Variants in GNG11 observed in about 807,000 individuals in gnomAD.
The protein encoded by GNG11 is guanine nucleotide-binding protein G(I)/G(S)/G(O) subunit gamma-11.
In GNG11, 6 loss-of-function variants were observed where a neutral mutation model predicts 7.4. The ratio of observed to expected loss-of-function variants is 0.81; its 90% CI spans 0.44 to 1.60. The LOEUF (loss-of-function observed/expected upper bound fraction) is 1.60. Among genes scored for constraint, GNG11 ranks in the 40% most tolerant of loss-of-function variants. GNG11 has a pLI of 0.01. For missense variants in GNG11, 65 were observed against 83.0 expected (o/e 0.78, Z 0.84); for synonymous variants, 31 against 25.9 (o/e 1.20, Z -0.60).
rs977598575 is a variant in GNG11, at chr7:93,922,037, C to G, written c.-101C>G. 3.1e-6 allele frequency: 2 copies of G among 643,348 alleles called. No homozygotes were observed. Among genetic ancestry groups the G allele is most frequent in the Non-Finnish European group, 5.2e-6 (2 of 382,020 alleles). 39.9% of individuals were successfully genotyped at this position (643,348 alleles called of 1,614,324 possible). On this transcript the variant is annotated 5_prime_UTR_variant, in exon 1 of 2. Transcript: ENST00000248564. ...TGCAGTCACATCCTGCGCGGGTGGG[C>G]GGCGGGCCAGGCCTTCAGTTGTTTC...
At chr7:93,926,042 G>A (rs1584101576) in intron 1 of GNG11, 49 bp from the exon 2 acceptor site, 1 of 1,239,472 alleles carries the variant, frequency 8.1e-7, no homozygotes, top group Non-Finnish European at 1.1e-6. Context: ...TAGGGACAAA[G>A]TTTAAACAAC....
rs571464077 is a variant in GNG11 at position 93,927,877 on chromosome 7, C to G, written c.*1661C>G. ...GGAAGGAGTAGTATGATCTACTACTCTTAGGAAGGATTTAGGAATAGTAAA... is the reference window on the plus strand; with the variant it reads ...GGAAGGAGTAGTATGATCTACTACTGTTAGGAAGGATTTAGGAATAGTAAA... On this transcript the variant is annotated 3_prime_UTR_variant, in exon 2 of 2. Coordinates refer to ENST00000248564, the MANE Select transcript of GNG11 (RefSeq NM_004126.4). 6.6e-6 allele frequency: 1 copy of G among 152,116 alleles called. No individual in the cohort carries two copies. Among genetic ancestry groups the G allele is most frequent in the African/African-American group, 2.4e-5 (1 of 41,416 alleles). 9.4% of individuals were successfully genotyped at this position (152,116 alleles called of 1,614,324 possible).
rs1254494884 is a variant in GNG11 at position 93,927,840 on chromosome 7, C to T, written c.*1624C>T. On this transcript the variant is annotated 3_prime_UTR_variant, in exon 2 of 2. Coordinates refer to ENST00000248564, the MANE Select transcript of GNG11 (RefSeq NM_004126.4). ...GCCCAGGGATAATTTTAGCCCAAAA[C>T]TACTACTCCTAGGAAGGAGTAGTAT... 1 of 152,136 alleles carries T rather than the reference C, an allele frequency of 6.6e-6. No homozygotes were observed. Among genetic ancestry groups the T allele is most frequent in the African/African-American group, 2.4e-5 (1 of 41,430 alleles). The allele number at this position is 152,136 out of a possible 1,614,324, so 9.4% of individuals were successfully genotyped here. A position where few individuals can be genotyped will look rare whatever the true frequency, so the allele number is the denominator to read the frequency against.
Position 93,927,809 on chromosome 7 carries a change from C to T in GNG11, c.*1593C>T, listed in dbSNP as rs58292934. 6.6e-6 allele frequency: 1 copy of T among 152,132 alleles called. No homozygotes were observed. Among genetic ancestry groups the T allele is most frequent in the Non-Finnish European group, 1.5e-5 (1 of 68,018 alleles). The allele number at this position is 152,132 out of a possible 1,614,324, so 9.4% of individuals were successfully genotyped here. On this transcript the variant is annotated 3_prime_UTR_variant, in exon 2 of 2. Transcript: ENST00000248564. ...CAAGTGATGACATCAATTGGCATTA[C>T]TGAGAGCCCAGGGATAATTTTAGCC...
Position 93,928,390 on chromosome 7 carries a change from A to C in GNG11, c.*2174A>C, listed in dbSNP as rs1794709989. 3.3e-5 allele frequency: 5 copies of C among 152,332 alleles called. No individual in the cohort carries two copies. In the South Asian group the frequency reaches 8.3e-4, roughly 25 times the overall value. The allele number at this position is 152,332 out of a possible 1,614,324, so 9.4% of individuals were successfully genotyped here. A position where few individuals can be genotyped will look rare whatever the true frequency, so the allele number is the denominator to read the frequency against. On this transcript the variant is annotated 3_prime_UTR_variant, in exon 2 of 2. Coordinates refer to ENST00000248564, the MANE Select transcript of GNG11 (RefSeq NM_004126.4). ...CATTATAACCCAGCCAACATGTAGAAGTGCAATAAAAATATTTTAATTTTC... is the reference window on the plus strand; with the variant it reads ...CATTATAACCCAGCCAACATGTAGACGTGCAATAAAAATATTTTAATTTTC...
At chr7:93,923,491 A>G (rs1459156549) in intron 1 of GNG11, among the ~76,000 whole-genome samples, 3 of 152,168 alleles carry the variant, frequency 2.0e-5, no homozygotes, top group Non-Finnish European at 4.4e-5. Context: ...GCTTCTTGAA[A>G]CCTTAAGGGA....
chr7:93,927,356 A>T lies in GNG11; in HGVS notation c.*1140A>T, dbSNP rs991337209. On this transcript the variant is annotated 3_prime_UTR_variant, in exon 2 of 2. Transcript: ENST00000248564. ...CTCAAGTTCATAACAAAGGTACCTG[A>T]AGCCCAAACCTCACAAAAAGGGACC... 6.6e-6 allele frequency: 1 copy of T among 152,196 alleles called. No individual in the cohort carries two copies. Among genetic ancestry groups the T allele is most frequent in the African/African-American group, 2.4e-5 (1 of 41,446 alleles). The allele number at this position is 152,196 out of a possible 1,614,324, so 9.4% of individuals were successfully genotyped here. A position where few individuals can be genotyped will look rare whatever the true frequency, so the allele number is the denominator to read the frequency against.
chr7:93,926,232 C>T lies in GNG11; in HGVS notation c.*16C>T, dbSNP rs763077114. 2 of 1,554,926 alleles carry T rather than the reference C, an allele frequency of 1.3e-6. No homozygotes were observed. Among genetic ancestry groups the T allele is most frequent in the Non-Finnish European group, 1.7e-6 (2 of 1,153,954 alleles). ...TATTTCATAAATAACTTGGGAGAAACTGCATCCTAAGTGGAAGAACTAGTT... is the reference window on the plus strand; with the variant it reads ...TATTTCATAAATAACTTGGGAGAAATTGCATCCTAAGTGGAAGAACTAGTT... On this transcript the variant is annotated 3_prime_UTR_variant, in exon 2 of 2. Transcript: ENST00000248564.
intron 1 of GNG11, 34 bp downstream of exon 1, chr7:93,922,267 GA>G: frequency 1.5e-6 from 2 of 1,296,236 alleles, no homozygotes; most frequent in Non-Finnish European, 1.1e-6. Flanking sequence ...TTCCTTCTCT[GA>G]AATGAAGCAG....
rs1794711420 is a variant in GNG11, at chr7:93,928,476, A to G, written c.*2260A>G. 6.6e-6 allele frequency: 1 copy of G among 152,228 alleles called. No homozygotes were observed. The highest frequency in any genetic ancestry group is 1.5e-5 in the Non-Finnish European group (1 of 68,032). 9.4% of individuals were successfully genotyped at this position (152,228 alleles called of 1,614,324 possible). A position where few individuals can be genotyped will look rare whatever the true frequency, so the allele number is the denominator to read the frequency against. On this transcript the variant is annotated 3_prime_UTR_variant, in exon 2 of 2. Transcript: ENST00000248564. The stretch of plus-strand genomic sequence containing the variant: ...AAAAAAGAAAAAATACATCCACTAT[A>G]TATTTAGATATATTGTAAATGTAAC...
At chr7:93,923,608 G>T (rs1794642443) in intron 1 of GNG11, among the ~76,000 whole-genome samples, 1 of 152,176 alleles carries the variant, frequency 6.6e-6, no homozygotes, top group Non-Finnish European at 1.5e-5. Context: ...TTCATATGCT[G>T]AAGTACAGCA....
At position 93,928,393 on chromosome 7, in the gene GNG11, G is replaced by A. The variant is rs998631511; in HGVS notation, c.*2177G>A. The A allele has an allele frequency of 2.6e-5, 4 of 151,952 alleles. No homozygotes were observed. Among genetic ancestry groups the A allele is most frequent in the Non-Finnish European group, 5.9e-5 (4 of 67,984 alleles). The allele number at this position is 151,952 out of a possible 1,614,324, so 9.4% of individuals were successfully genotyped here. On this transcript the variant is annotated 3_prime_UTR_variant, in exon 2 of 2. Coordinates refer to ENST00000248564, the MANE Select transcript of GNG11 (RefSeq NM_004126.4). The stretch of plus-strand genomic sequence containing the variant: ...TATAACCCAGCCAACATGTAGAAGT[G>A]CAATAAAAATATTTTAATTTTCAAC...
At position 93,928,090 on chromosome 7, in the gene GNG11, G is replaced by A. The variant is rs957175823; in HGVS notation, c.*1874G>A. On this transcript the variant is annotated 3_prime_UTR_variant, in exon 2 of 2. Coordinates refer to ENST00000248564, the MANE Select transcript of GNG11 (RefSeq NM_004126.4). ...AACATTTATTCCGGTTACTGGCAAG[G>A]CAGTTTAAATCACCTGCTTCTTTCA... The A allele has an allele frequency of 1.3e-5, 2 of 150,152 alleles. No individual in the cohort carries two copies. Among genetic ancestry groups the A allele is most frequent in the Admixed American group, 6.6e-5 (1 of 15,204 alleles). 9.3% of individuals were successfully genotyped at this position (150,152 alleles called of 1,614,324 possible).
Position 93,927,054 on chromosome 7 carries a change from C to G in GNG11, c.*838C>G, listed in dbSNP as rs1794688304. 6.6e-6 allele frequency: 1 copy of G among 152,292 alleles called. No homozygotes were observed. Among genetic ancestry groups the G allele is most frequent in the African/African-American group, 2.4e-5 (1 of 41,462 alleles). 9.4% of individuals were successfully genotyped at this position (152,292 alleles called of 1,614,324 possible). A position where few individuals can be genotyped will look rare whatever the true frequency, so the allele number is the denominator to read the frequency against. On this transcript the variant is annotated 3_prime_UTR_variant, in exon 2 of 2. Coordinates refer to ENST00000248564, the MANE Select transcript of GNG11 (RefSeq NM_004126.4). ...GGCATTGGTGCAGACACTTGGACCT[C>G]TGCACTCATGCTTGCCAGCATTTTC... is the stretch of plus-strand genomic sequence containing the variant.
chr7:93,926,448 A>T lies in GNG11; in HGVS notation c.*232A>T. On this transcript the variant is annotated 3_prime_UTR_variant, in exon 2 of 2. Coordinates refer to ENST00000248564, the MANE Select transcript of GNG11 (RefSeq NM_004126.4). ...GATGTACAATTATGGAAATAAGAAC[A>T]TTACTTGAGCATGACACTTCTTTCA... is the stretch of plus-strand genomic sequence containing the variant. 3.5e-6 allele frequency: 1 copy of T among 288,628 alleles called. No homozygotes were observed. 17.9% of individuals were successfully genotyped at this position (288,628 alleles called of 1,614,324 possible). A position where few individuals can be genotyped will look rare whatever the true frequency, so the allele number is the denominator to read the frequency against.
rs201054655 is a variant in GNG11, at chr7:93,922,260, C to G, written c.96+27C>G. 5.3e-4 allele frequency: 720 copies of G among 1,363,224 alleles called. 4 individuals carry two copies. The African/African-American group carries it at 9.6e-3, about 18-fold the overall frequency. 84.4% of individuals were successfully genotyped at this position (1,363,224 alleles called of 1,614,324 possible). ...TAAGTTGGCTGTTCCGGAATATTTC[C>G]TTCTCTGAAATGAAGCAGGGTCCGA... On this transcript the variant is annotated intron_variant, in intron 1 of 1. Coordinates refer to ENST00000248564, the MANE Select transcript of GNG11 (RefSeq NM_004126.4).
chr7:93,926,338 A>G lies in GNG11; in HGVS notation c.*122A>G, dbSNP rs549317816. 5.2e-5 allele frequency: 37 copies of G among 711,514 alleles called. No homozygotes were observed. The African/African-American group carries it at 5.5e-4, about 11-fold the overall frequency. The allele number at this position is 711,514 out of a possible 1,614,324, so 44.1% of individuals were successfully genotyped here. ...TTAAAAGGAGACTTTCTTAAGCACC[A>G]TATAGATAGGGTTATGTATAAAAGC... is the stretch of plus-strand genomic sequence containing the variant. On this transcript the variant is annotated 3_prime_UTR_variant, in exon 2 of 2. Coordinates refer to ENST00000248564, the MANE Select transcript of GNG11 (RefSeq NM_004126.4).
Position 93,922,072 on chromosome 7 carries a change from C to G in GNG11, c.-66C>G, listed in dbSNP as rs1327238915. 3.0e-6 allele frequency: 3 copies of G among 1,014,272 alleles called. No individual in the cohort carries two copies. The highest frequency in any genetic ancestry group is 4.3e-6 in the Non-Finnish European group (3 of 695,064). The allele number at this position is 1,014,272 out of a possible 1,614,324, so 62.8% of individuals were successfully genotyped here. ...GGCCTTCAGTTGTTTCGGGACGCGC[C>G]GAGCTTCGCCGCTCTTCCAGCGGCT... On this transcript the variant is annotated 5_prime_UTR_variant, in exon 1 of 2. Coordinates refer to ENST00000248564, the MANE Select transcript of GNG11 (RefSeq NM_004126.4).
rs200558422 is a variant in GNG11 at position 93,924,679 on chromosome 7, TTA to T, written c.97-1410_97-1409del. ...ACCTCACCCATTTATAATTTCCAGT[TTA>T]TGTTTTATAATTTTGCATGATGTAT... On this transcript the variant is annotated intron_variant, in intron 1 of 1. Coordinates refer to ENST00000248564, the MANE Select transcript of GNG11 (RefSeq NM_004126.4). Among the ~76,000 whole-genome samples the T allele has an allele frequency of 2.2e-3, 338 of 152,360 alleles. 1 individual carries two copies. Among genetic ancestry groups the T allele is most frequent in the African/African-American group, 7.8e-3 (326 of 41,580 alleles).
Sources: gnomAD v4.1 joint callset for allele counts (sites outside exome capture counted in the v4.1 genomes callset) on GRCh38, gnomAD v4.1.1 for gene constraint, MANE v1.5 for transcripts, NCBI Gene and HGNC (gene_info 2026-07-23, HGNC 2026-07-21) for gene names.